Variants in BIRC6 observed in about 807,000 individuals in gnomAD.
The protein encoded by BIRC6 is baculoviral IAP repeat containing 6, also known as dual E2 ubiquitin-conjugating enzyme/E3 ubiquitin-protein ligase BIRC6.
A neutral mutation model predicts 503.3 loss-of-function variants in BIRC6; 98 were observed. The ratio of observed to expected loss-of-function variants is 0.19; its 90% CI spans 0.17 to 0.23. The LOEUF (loss-of-function observed/expected upper bound fraction) is 0.23. Ranked by LOEUF, BIRC6 falls within the 10% of genes least tolerant of loss-of-function variation. The pLI is 1.00. For synonymous variants in BIRC6, 2,240 were observed against 2,078.7 expected, an observed-to-expected ratio of 1.08 and a Z score of -2.11; for missense variants, 5,360 against 5,806.0, an observed-to-expected ratio of 0.92 and a Z score of 2.50.
In BIRC6 at chr2:32,595,112, A is replaced by G; in HGVS notation, c.13580A>G (p.Lys4527Arg). Residue 4527 changes from lysine to arginine, a missense_variant, in exon 68 of 74, where the codon AAA (lysine) becomes AGA (arginine). Lys to Arg is a conservative substitution (Grantham distance 26). Around this residue, in one of 16 missense-constraint regions of BIRC6, gnomAD observed 477 missense variants for 574.4 expected, o/e 0.83. Transcript: ENST00000421745. The part of the protein sequence containing the change: ...PLSVLKSLEE[K>R]YVAVMKKLQF... ...TCAGTATTAAAGTCACTTGAAGAAAAATATGTGGCTGTTATGAAGAAATTA... is the reference window on the plus strand; with the variant it reads ...TCAGTATTAAAGTCACTTGAAGAAAGATATGTGGCTGTTATGAAGAAATTA... 1 of 1,599,558 alleles carries G rather than the reference A, an allele frequency of 6.3e-7. No homozygotes were observed. The highest frequency in any genetic ancestry group is 8.5e-7 in the Non-Finnish European group (1 of 1,176,076).
In BIRC6 at chr2:32,464,713, G is replaced by C; in HGVS notation, c.5146G>C (p.Val1716Leu). 6.2e-7 allele frequency: 1 copy of C among 1,613,952 alleles called. No individual in the cohort carries two copies. The highest frequency in any genetic ancestry group is 1.1e-5 in the South Asian group (1 of 91,082). ...TPPLTPPNEA[V>L]SVVINAELAQ... Reference sequence around the variant, plus strand: ...ACCACTCACTCCACCCAATGAAGCAGTTTCCGTTGTGATTAATGCCGAACT... The same window carrying C: ...ACCACTCACTCCACCCAATGAAGCACTTTCCGTTGTGATTAATGCCGAACT... Residue 1716 changes from valine (V) to leucine (L), a missense_variant, in exon 25 of 74, where the codon GTT (valine) becomes CTT (leucine). Physicochemically the swap from Val to Leu is conservative, Grantham distance 32. This residue lies in a region of BIRC6 where 2,299 missense variants were observed against 2,267.2 expected (regional missense o/e 1.01). Coordinates refer to ENST00000421745, the MANE Select transcript of BIRC6 (RefSeq NM_016252.4).
chr2:32,462,433 C>A (rs2048096177), intron 23 of BIRC6, among the ~76,000 whole-genome samples: 1 of 152,046 alleles, frequency 6.6e-6, no homozygotes, highest in African/African-American at 2.4e-5. Context: ...TTTCACAGAG[C>A]CTTTATTACT....
intron 6 of BIRC6, among the ~76,000 whole-genome samples, chr2:32,400,539 G>C (rs531605800): frequency 6.6e-6 from 1 of 151,774 alleles, no homozygotes; most frequent in African/African-American, 2.4e-5. Flanking sequence ...GGGTTTCACC[G>C]TGTTGGTCAG....
chr2:32,396,104 T>C (rs1348132699), intron 6 of BIRC6, among the ~76,000 whole-genome samples: 1 of 152,192 alleles, frequency 6.6e-6, no homozygotes, highest in Non-Finnish European at 1.5e-5. Flanking sequence ...GAAATAATAG[T>C]ATATTATTAT....
chr2:32,477,515 A>C lies in BIRC6; in HGVS notation c.7000A>C (p.Lys2334Gln). The change falls in exon 35 of 74, where the codon AAA (lysine) becomes CAA (glutamine). Residue 2334 changes from lysine to glutamine, a missense_variant. Coordinates refer to ENST00000421745, the MANE Select transcript of BIRC6 (RefSeq NM_016252.4). ...TGAGCGTTGTATCTCAGTAGTCCAG[A>C]AACTTGTTCTGTTTCTTCTCTCCAT... ...AHERCISVVQ[K>Q]LVLFLLSMDF... 1.2e-6 allele frequency: 2 copies of C among 1,613,952 alleles called. No individual in the cohort carries two copies. Among genetic ancestry groups the C allele is most frequent in the Admixed American group, 3.3e-5 (2 of 60,012 alleles).
In BIRC6 at chr2:32,529,807, G is replaced by T; in HGVS notation, c.12077G>T (p.Arg4026Ile). 6.2e-7 allele frequency: 1 copy of T among 1,607,740 alleles called. No homozygotes were observed. The highest frequency in any genetic ancestry group is 8.5e-7 in the Non-Finnish European group (1 of 1,177,160). The change falls in exon 60 of 74, where the codon AGA (arginine) becomes ATA (isoleucine). Residue 4026 changes from arginine (R) to isoleucine (I), a missense_variant. By Grantham distance (97) the Arg-to-Ile change is moderately conservative. This residue lies in a region of BIRC6 where 878 missense variants were observed against 928.9 expected (regional missense o/e 0.95). Coordinates refer to ENST00000421745, the MANE Select transcript of BIRC6 (RefSeq NM_016252.4). ...PSLSKTDSYK[R>I]LHPEKDHGDL... ...CTATCAAAAACAGATTCTTATAAAA[G>T]ACTACACCCTGAAAAAGGTATGTGC... is the stretch of plus-strand genomic sequence containing the variant.
At chr2:32,472,973 T>C in intron 32 of BIRC6, 139 bp from the exon 33 acceptor site, 1 of 659,464 alleles carries the variant, frequency 1.5e-6, no homozygotes, top group Non-Finnish European at 2.5e-6. Context: ...TCTAGCAATT[T>C]CTTTACAATG....
chr2:32,455,411 C>T (rs2047144118), intron 23 of BIRC6, among the ~76,000 whole-genome samples: 1 of 150,494 alleles, frequency 6.6e-6, no homozygotes, highest in Non-Finnish European at 1.5e-5. Context: ...AATTAAGTAG[C>T]CTGGTTTGAG....
At chr2:32,393,423 G>C (rs973158145) in intron 5 of BIRC6, among the ~76,000 whole-genome samples, 1 of 152,192 alleles carries the variant, frequency 6.6e-6, no homozygotes, top group African/African-American at 2.4e-5. Flanking sequence ...GAGTGGTATA[G>C]AGTGGCTTAC....
chr2:32,566,252 T>C (rs964756545), intron 65 of BIRC6: 4 of 152,200 alleles, frequency 2.6e-5, no homozygotes, highest in African/African-American at 7.2e-5. Context: ...AACAGTTGCA[T>C]ATTAATAAAC....
At chr2:32,434,775 A>G (rs938412417) in intron 13 of BIRC6, among the ~76,000 whole-genome samples, 1 of 152,266 alleles carries the variant, frequency 6.6e-6, no homozygotes, top group African/African-American at 2.4e-5. Flanking sequence ...CAGGAGGATC[A>G]CTTGAGCCCA....
At chr2:32,484,898 G>A (rs1197771368) in intron 39 of BIRC6, among the ~76,000 whole-genome samples, 1 of 152,104 alleles carries the variant, frequency 6.6e-6, no homozygotes, top group Non-Finnish European at 1.5e-5. Flanking sequence ...TATTCACAAT[G>A]TTGTCATCTG....
intron 5 of BIRC6, 23 bp from the exon 6 acceptor site, chr2:32,395,488 C>G: frequency 1.3e-6 from 2 of 1,534,944 alleles, no homozygotes; most frequent in Non-Finnish European, 1.8e-6. Flanking sequence ...CCTTTTCTGT[C>G]TCTTTTCTTT....
intron 57 of BIRC6, chr2:32,522,449 A>T (rs1333443151): frequency 6.6e-6 from 1 of 152,152 alleles, no homozygotes; most frequent in Admixed American, 6.5e-5. Flanking sequence ...CTAAGGCAAG[A>T]CTTACTGTAA....
chr2:32,482,178 A>C (rs1299249718), intron 38 of BIRC6, among the ~76,000 whole-genome samples: 2 of 152,186 alleles, frequency 1.3e-5, no homozygotes, highest in Non-Finnish European at 2.9e-5. Flanking sequence ...TCTTTGGTCC[A>C]TAAGAGATTT....
chr2:32,368,865 T>G (rs1484855007), intron 1 of BIRC6, among the ~76,000 whole-genome samples: 1 of 152,176 alleles, frequency 6.6e-6, no homozygotes, highest in African/African-American at 2.4e-5. Context: ...TTGGCCAGGC[T>G]GGTCTGGAAC....
chr2:32,396,452 C>T (rs538826599), intron 6 of BIRC6, among the ~76,000 whole-genome samples: 1 of 152,144 alleles, frequency 6.6e-6, no homozygotes, highest in African/African-American at 2.4e-5. Context: ...GGCAAACTTG[C>T]TAAAACGTAT....
intron 23 of BIRC6, among the ~76,000 whole-genome samples, chr2:32,459,116 T>TA (rs1376837718): frequency 4.6e-5 from 7 of 152,186 alleles, no homozygotes; most frequent in African/African-American, 1.7e-4. Context: ...CTCACAGTGT[T>TA]ATGCAGTTAT....
chr2:32,509,591 T>C (rs980059945), intron 51 of BIRC6, 147 bp from the exon 52 acceptor site: 65 of 887,048 alleles, frequency 7.3e-5, no homozygotes, highest in Middle Eastern at 6.9e-4. Flanking sequence ...GTCTGTTTAC[T>C]TAATTTGCAG....
Sources: gnomAD v4.1 joint callset for allele counts (sites outside exome capture counted in the v4.1 genomes callset) on GRCh38, gnomAD v4.1.1 for gene constraint, gnomAD v4.1.1 regional missense constraint, MANE v1.5 for transcripts, NCBI Gene and HGNC (gene_info 2026-07-23, HGNC 2026-07-21) for gene names.